KPTN: variants seen among roughly 807,000 people sequenced by gnomAD.
KPTN encodes kaptin, actin binding protein, also known as KICSTOR complex protein kaptin.
A neutral mutation model predicts 52.6 loss-of-function variants in KPTN; 36 were observed. That is an observed-to-expected ratio of 0.68 (90% confidence interval 0.52 to 0.90). The LOEUF (loss-of-function observed/expected upper bound fraction) is 0.90. Among genes scored for constraint, KPTN ranks in the 40% least tolerant of loss-of-function variants. KPTN has a pLI of 0.00. For synonymous variants in KPTN, 271 were observed against 248.4 expected (o/e 1.09, Z -0.85); for missense variants, 529 against 576.2 (o/e 0.92, Z 0.84).
At position 47,483,988 on chromosome 19, in the gene KPTN, AG is replaced by A; in HGVS notation, c.172del (p.Leu58SerfsTer56). On this transcript the variant is annotated frameshift_variant, in exon 1 of 12. Coordinates refer to ENST00000338134, the MANE Select transcript of KPTN (RefSeq NM_007059.4). LOFTEE classifies it high-confidence loss of function. The stretch of plus-strand genomic sequence containing the variant: ...GGCCACTGGCCGGATTTTCTGTCGG[AG>A]GTCTTGGTAGCGGAAGCCGAGCACC... ...GKVLGFRYQD[L>X]RQKIRPVAKE... 6.2e-7 allele frequency: 1 copy of A among 1,612,960 alleles called. No homozygotes were observed. The highest frequency in any genetic ancestry group is 8.5e-7 in the Non-Finnish European group (1 of 1,179,936).
rs200869187 is a variant in KPTN, at chr19:47,483,996, G to A, written c.165C>T (p.Tyr55=). The A allele has an allele frequency of 1.7e-5, 27 of 1,613,522 alleles. No individual in the cohort carries two copies. The highest frequency in any genetic ancestry group is 2.2e-5 in the Non-Finnish European group (26 of 1,180,020). The change falls in exon 1 of 12, where the codon TAC becomes TAT. Residue 55 remains tyrosine, a synonymous_variant. Coordinates refer to ENST00000338134, the MANE Select transcript of KPTN (RefSeq NM_007059.4). ...GCCGGATTTTCTGTCGGAGGTCTTGGTAGCGGAAGCCGAGCACCTTGCCTT... is the reference window on the plus strand; with the variant it reads ...GCCGGATTTTCTGTCGGAGGTCTTGATAGCGGAAGCCGAGCACCTTGCCTT... The part of the protein sequence containing the change: ...TLKGKVLGFR[Y]QDLRQKIRPV...
rs267605558 is a variant in KPTN at position 47,475,518 on chromosome 19, C to T, written c.1209G>A (p.Leu403=). The T allele has an allele frequency of 1.2e-6, 2 of 1,613,238 alleles. No individual in the cohort carries two copies. The highest frequency in any genetic ancestry group is 1.3e-5 in the African/African-American group (1 of 75,046). The change falls in exon 12 of 12, where the codon CTG becomes CTA. Residue 403 remains leucine (L), a synonymous_variant. Coordinates refer to ENST00000338134, the MANE Select transcript of KPTN (RefSeq NM_007059.4). The part of the protein sequence containing the change: ...LQHSLIQASE[L]VLTRLRHQVE... ...CTTGATGTCGAAGCCGGGTCAAGAC[C>T]AGCTCTGAGGCCTGAATCAGGCTGT...
upstream of KPTN, chr19:47,484,327 C>G: frequency 1.2e-6 from 1 of 838,540 alleles, no homozygotes. Flanking sequence ...AGGTCGCCTG[C>G]TCGGGCCTCC....
rs1179714834 is a variant in KPTN, at chr19:47,478,576, A to AAAAAAAAAAAG, written c.788-796_788-795insCTTTTTTTTTT. On this transcript the variant is annotated intron_variant, in intron 8 of 11. Coordinates refer to ENST00000338134, the MANE Select transcript of KPTN (RefSeq NM_007059.4). ...TGACCAAGACTCTGTCTAAAAAAAA[A>AAAAAAAAAAAG]AAAAAAAAAAAAGACATTTGTGCAT... Among the ~76,000 whole-genome samples, 4 of 150,420 alleles carry AAAAAAAAAAAG rather than the reference A, an allele frequency of 2.7e-5. No individual in the cohort carries two copies. In the East Asian group the frequency reaches 7.8e-4, roughly 29 times the overall value.
chr19:47,480,502 C>CT, intron 6 of KPTN, 95 bp from the exon 7 acceptor site: 1 of 906,732 alleles, frequency 1.1e-6, no homozygotes, highest in Non-Finnish European at 1.7e-6. Flanking sequence ...CCCTGTAGCC[C>CT]TGGGACCCTG....
Position 47,476,791 on chromosome 19 carries a change from G to C in KPTN, c.999+12C>G, listed in dbSNP as rs763509064. 1.3e-6 allele frequency: 2 copies of C among 1,593,572 alleles called. No individual in the cohort carries two copies. The highest frequency in any genetic ancestry group is 2.7e-5 in the African/African-American group (2 of 74,638). On this transcript the variant is annotated intron_variant, in intron 10 of 11. Coordinates refer to ENST00000338134, the MANE Select transcript of KPTN (RefSeq NM_007059.4). The stretch of plus-strand genomic sequence containing the variant: ...GAGGCCGGTGGGTGTGGCTCCAACT[G>C]TCAGGTCCCACCTGTCCATAGGTGG...
At position 47,484,131 on chromosome 19, in the gene KPTN, C is replaced by T. The variant is rs776559645; in HGVS notation, c.30G>A (p.Gly10=). Residue 10 remains glycine, a synonymous_variant, in exon 1 of 12, where the codon GGG becomes GGA. Coordinates refer to ENST00000338134, the MANE Select transcript of KPTN (RefSeq NM_007059.4). ...AGCTGTCCTCGCGCAACGGACAAGG[C>T]CCCGCGGCCACGGCCGCCTCCCCCA... MMGEAAVAA[G]PCPLREDSFT... The T allele has an allele frequency of 8.8e-6, 14 of 1,599,810 alleles. No individual in the cohort carries two copies. Among genetic ancestry groups the T allele is most frequent in the Non-Finnish European group, 1.2e-5 (14 of 1,178,942 alleles).
At chr19:47,477,084 G>C (rs373308753) in intron 9 of KPTN, 146 bp from the exon 10 acceptor site, 1 of 819,902 alleles carries the variant, frequency 1.2e-6, no homozygotes. Context: ...CATCATCTCA[G>C]ATTTGGACAT....
At chr19:47,483,113 T>A in intron 4 of KPTN, 48 bp downstream of exon 4, 1 of 1,565,626 alleles carries the variant, frequency 6.4e-7, no homozygotes, top group Non-Finnish European at 8.8e-7. Context: ...GAAGCCAGGG[T>A]TTCTACATTT....
At chr19:47,484,706 A>AC (rs1159781716), upstream of KPTN, among the ~76,000 whole-genome samples, 1 of 129,174 alleles carries the variant, frequency 7.7e-6, no homozygotes, top group African/African-American at 3.0e-5. Flanking sequence ...ACAGTTCACT[A>AC]TTTTTTTTTT....
chr19:47,478,684 A>AATG (rs929202765), intron 8 of KPTN, among the ~76,000 whole-genome samples: 2 of 151,692 alleles, frequency 1.3e-5, no homozygotes, highest in African/African-American at 4.8e-5. Context: ...GGAGAAAGAA[A>AATG]ATGTGGTATA....
intron 9 of KPTN, among the ~76,000 whole-genome samples, chr19:47,477,438 C>T (rs1212718162): frequency 6.6e-6 from 1 of 152,166 alleles, no homozygotes; most frequent in Non-Finnish European, 1.5e-5. Flanking sequence ...TTTCCTCGTG[C>T]ATAGCCAGTG....
At chr19:47,477,828 G>T (rs146545332) in intron 8 of KPTN, 47 bp from the exon 9 acceptor site, 31,821 of 1,414,694 alleles carry the variant, frequency 0.022, 456 homozygotes, top group Non-Finnish European at 0.026. Context: ...GGGAGGCCAA[G>T]GCGGGTGGAT....
At chr19:47,483,747 G>A in intron 1 of KPTN, 163 bp from the exon 2 acceptor site, 1 of 933,298 alleles carries the variant, frequency 1.1e-6, no homozygotes. Context: ...TGACCTGTAA[G>A]TCTGAAGAAT....
chr19:47,480,561 C>T, intron 6 of KPTN, 154 bp from the exon 7 acceptor site: 1 of 727,486 alleles, frequency 1.4e-6, no homozygotes. Flanking sequence ...CCTCTGAGGT[C>T]AATTCTCACC....
At chr19:47,482,458 G>T (rs546828727) in intron 4 of KPTN, among the ~76,000 whole-genome samples, 55 of 139,330 alleles carry the variant, frequency 3.9e-4, no homozygotes, top group African/African-American at 1.4e-3. Flanking sequence ...CTCCAGCCTG[G>T]CAACAGAGCG....
chr19:47,480,089 C>G, intron 7 of KPTN, 149 bp from the exon 8 acceptor site: 1 of 536,378 alleles, frequency 1.9e-6, no homozygotes, highest in South Asian at 1.8e-5. Context: ...CGCCCCCAAT[C>G]CCCACCCTCA....
At chr19:47,477,536 A>G (rs1967713613) in intron 9 of KPTN, among the ~76,000 whole-genome samples, 170 bp downstream of exon 9, 1 of 148,516 alleles carries the variant, frequency 6.7e-6, no homozygotes, top group Non-Finnish European at 1.5e-5. Flanking sequence ...CATATTCCCT[A>G]CAAGTCTAGA....
intron 6 of KPTN, 175 bp from the exon 7 acceptor site, chr19:47,480,582 T>G: frequency 1.3e-6 from 1 of 753,620 alleles, no homozygotes; most frequent in Non-Finnish European, 2.3e-6. Flanking sequence ...ACCCGAGGGC[T>G]GAGTCCACCT....
Sources: allele counts gnomAD v4.1 joint callset (sites outside exome capture counted in the v4.1 genomes callset), GRCh38; gene constraint gnomAD v4.1.1; transcripts MANE v1.5; gene names NCBI Gene and HGNC (gene_info 2026-07-23, HGNC 2026-07-21).